The following ETS1 variants were observed in gnomAD, a reference collection of about 807,000 sequenced individuals.
The protein encoded by ETS1 is protein C-ets-1.
ETS1 carries 15 observed loss-of-function variants against 58.6 expected under a neutral mutation model. The ratio of observed to expected loss-of-function variants is 0.26; its 90% confidence interval spans 0.17 to 0.39. ETS1 has a LOEUF of 0.39. ETS1 is among the 10% of genes least tolerant of loss of function. The pLI is 1.00. For missense variants in ETS1, 417 were observed against 610.5 expected (o/e 0.68, Z 3.34); for synonymous variants, 214 against 218.2 (o/e 0.98, Z 0.17).
chr11:128,503,816 A>T (rs1863154370), intron 3 of ETS1, among the ~76,000 whole-genome samples: 1 of 152,178 alleles, frequency 6.6e-6, no homozygotes, highest in African/African-American at 2.4e-5. Flanking sequence ...CTTACCCTAA[A>T]GCAAGGCTGA....
intron 1 of ETS1, among the ~76,000 whole-genome samples, chr11:128,581,319 T>A (rs142853162): frequency 2.8e-4 from 42 of 152,308 alleles, no homozygotes; most frequent in African/African-American, 9.1e-4. Context: ...CACTTTCTAG[T>A]CAATCATACT....
chr11:128,474,638 T>C (rs1281977469), intron 8 of ETS1, among the ~76,000 whole-genome samples: 2 of 152,114 alleles, frequency 1.3e-5, no homozygotes, highest in East Asian at 3.9e-4. Flanking sequence ...AGTCTATTAC[T>C]CCACTGAGAT....
At chr11:128,528,666 T>C (rs747941600) in intron 3 of ETS1, among the ~76,000 whole-genome samples, 2 of 152,166 alleles carry the variant, frequency 1.3e-5, no homozygotes, top group Non-Finnish European at 2.9e-5. Flanking sequence ...CTTCCTAACA[T>C]CCCCGTAACA....
chr11:128,583,147 A>G (rs1296528105), intron 1 of ETS1, among the ~76,000 whole-genome samples: 1 of 152,180 alleles, frequency 6.6e-6, no homozygotes, highest in African/African-American at 2.4e-5. Flanking sequence ...AGAGGACTTC[A>G]CTGTGAGTAG....
chr11:128,483,019 A>C (rs1862532163), intron 7 of ETS1, among the ~76,000 whole-genome samples: 1 of 152,240 alleles, frequency 6.6e-6, no homozygotes, highest in Non-Finnish European at 1.5e-5. Flanking sequence ...GCTAACAGTA[A>C]TGCTTTCGGT....
At chr11:128,530,151 A>G (rs1455407905) in intron 3 of ETS1, 2 of 152,194 alleles carry the variant, frequency 1.3e-5, no homozygotes, top group African/African-American at 4.8e-5. Flanking sequence ...TACAGCTCAC[A>G]TTTGATTCTC....
intron 3 of ETS1, among the ~76,000 whole-genome samples, chr11:128,550,749 G>A (rs1214942768): frequency 6.6e-6 from 1 of 152,154 alleles, no homozygotes; most frequent in East Asian, 1.9e-4. Context: ...ATCCAAAAAG[G>A]TCCATGTTTC....
At chr11:128,538,353 A>G (rs1346502450) in intron 3 of ETS1, among the ~76,000 whole-genome samples, 1 of 152,198 alleles carries the variant, frequency 6.6e-6, no homozygotes, top group African/African-American at 2.4e-5. Flanking sequence ...GGAAATTGAT[A>G]GCCATTTAGC....
chr11:128,477,913 AT>A (rs1184643794), intron 8 of ETS1, among the ~76,000 whole-genome samples: 10 of 152,184 alleles, frequency 6.6e-5, no homozygotes, highest in Admixed American at 6.5e-4. Flanking sequence ...ACTTTCACAG[AT>A]TTCCTGCCAC....
At position 128,544,871 on chromosome 11, in the gene ETS1, C is replaced by G. The variant is rs551135264; in HGVS notation, c.214+11420G>C. ...GAAAAGCAGCTTCCCCACAATTAGTCTCTCTATTCAGAGGTCTGGGAAGTC... is the reference window on the plus strand; with the variant it reads ...GAAAAGCAGCTTCCCCACAATTAGTGTCTCTATTCAGAGGTCTGGGAAGTC... On this transcript the variant is annotated intron_variant, in intron 3 of 9. Coordinates refer to ENST00000392668, the MANE Select transcript of ETS1 (RefSeq NM_001143820.2). Among the ~76,000 whole-genome samples the G allele has an allele frequency of 1.4e-3, 211 of 152,334 alleles. 1 individual carries two copies. The highest frequency in any genetic ancestry group is 4.9e-4 in the Non-Finnish European group (33 of 68,032).
intron 2 of ETS1, chr11:128,571,772 GT>G (rs1864639352): frequency 6.6e-6 from 1 of 152,126 alleles, no homozygotes; most frequent in African/African-American, 2.4e-5. Flanking sequence ...ACTGGGCTCA[GT>G]GCTTCACGCC....
intron 3 of ETS1, among the ~76,000 whole-genome samples, chr11:128,543,820 A>G (rs549102685): frequency 1.3e-5 from 2 of 152,320 alleles, no homozygotes; most frequent in African/African-American, 2.4e-5. Context: ...GAGGAGAGGT[A>G]ATTTATAAAC....
chr11:128,480,279 C>A lies in ETS1; in HGVS notation c.1035G>T (p.Lys345Asn), dbSNP rs1293922369. 2 of 1,613,936 alleles carry A rather than the reference C, an allele frequency of 1.2e-6. No individual in the cohort carries two copies. The highest frequency in any genetic ancestry group is 1.7e-6 in the Non-Finnish European group (2 of 1,180,018). ...YPAALPNHKP[K>N]GTFKDYVRDR... is the part of the protein sequence containing the mutation. ...CCCGCACATAGTCCTTGAAGGTGCCCTTGGGCTTGTGGTTGGGCAGGGCAG... is the reference window on the plus strand; with the variant it reads ...CCCGCACATAGTCCTTGAAGGTGCCATTGGGCTTGTGGTTGGGCAGGGCAG... Residue 345 changes from lysine to asparagine, a missense_variant, in exon 8 of 10, where the codon AAG becomes AAT. Lys to Asn is a moderately conservative substitution (Grantham distance 94). Transcript: ENST00000392668.
rs536453942 is a variant in ETS1, at chr11:128,481,393, T to A, written c.863-942A>T. ...ACAATAGCTCCTGGAGAAATTTCCA[T>A]TGGCAAAAATGCCACTAAAAAGGAG... On this transcript the variant is annotated intron_variant, in intron 7 of 9. Transcript: ENST00000392668. Among the ~76,000 whole-genome samples, 11 of 149,012 alleles carry A rather than the reference T, an allele frequency of 7.4e-5. No homozygotes were observed. The East Asian group carries it at 2.2e-3, about 29-fold the overall frequency.
In ETS1 at chr11:128,480,446, G is replaced by A. The variant is rs1281993625; in HGVS notation, c.868C>T (p.Leu290Phe). Residue 290 changes from leucine to phenylalanine, a missense_variant, in exon 8 of 10, where the codon CTC (leucine) becomes TTC (phenylalanine). Around this residue, in one of 4 missense-constraint regions of ETS1, gnomAD observed 139 missense variants for 152.1 expected, o/e 0.91. Transcript: ENST00000392668. ...CTTTCAAAAGAGTCCTGGCCCCCGA[G>A]TTTACCTGGAGGTAAAGGAGGAGGT... is the stretch of plus-strand genomic sequence containing the variant. ...MCMGRTSRGK[L>F]GGQDSFESIE... The A allele has an allele frequency of 8.1e-6, 13 of 1,611,360 alleles. No individual in the cohort carries two copies. Among genetic ancestry groups the A allele is most frequent in the East Asian group, 2.2e-5 (1 of 44,790 alleles).
chr11:128,534,928 T>C (rs185530063), intron 3 of ETS1, among the ~76,000 whole-genome samples: 1 of 152,368 alleles, frequency 6.6e-6, no homozygotes, highest in African/African-American at 2.4e-5. Context: ...CTTATATTTC[T>C]TTGGGTATAT....
chr11:128,497,970 G>C (rs1010137529), intron 3 of ETS1, among the ~76,000 whole-genome samples: 1 of 148,810 alleles, frequency 6.7e-6, no homozygotes, highest in African/African-American at 2.5e-5. Flanking sequence ...CTAAACATTG[G>C]GCAAATGGCC....
At chr11:128,545,897 A>T (rs1864125918) in intron 3 of ETS1, among the ~76,000 whole-genome samples, 1 of 152,198 alleles carries the variant, frequency 6.6e-6, no homozygotes, top group South Asian at 2.1e-4. Context: ...AGCCCAAAGT[A>T]TTGATGAGAT....
intron 3 of ETS1, among the ~76,000 whole-genome samples, chr11:128,521,602 T>C (rs1266237745): frequency 6.6e-6 from 1 of 152,162 alleles, no homozygotes; most frequent in African/African-American, 2.4e-5. Context: ...GGGTTCTCGC[T>C]CATTTGGGAA....
Sources: allele counts gnomAD v4.1 joint callset (sites outside exome capture counted in the v4.1 genomes callset), GRCh38; gene constraint gnomAD v4.1.1; regional missense constraint gnomAD v4.1.1; transcripts MANE v1.5; gene names NCBI Gene and HGNC (gene_info 2026-07-23, HGNC 2026-07-21).